Variants in ALKBH1 observed in about 807,000 individuals in gnomAD.
ALKBH1 encodes the protein nucleic acid dioxygenase ALKBH1.
ALKBH1 carries 31 observed loss-of-function variants against 36.6 expected under a neutral mutation model. That is an observed-to-expected ratio of 0.85 (90% CI 0.64 to 1.14). The LOEUF is 1.14. Among genes scored for constraint, ALKBH1 ranks in the 50% most tolerant of loss-of-function variants. The pLI, the probability that ALKBH1 is intolerant of heterozygous loss-of-function variation, is 0.00. For synonymous variants in ALKBH1, 183 were observed against 186.6 expected (o/e 0.98, Z 0.16); for missense variants, 490 against 497.3 (o/e 0.99, Z 0.14).
At position 77,675,733 on chromosome 14, in the gene ALKBH1, G is replaced by A; in HGVS notation, c.663C>T (p.Tyr221=). 6.2e-7 allele frequency: 1 copy of A among 1,614,170 alleles called. No individual in the cohort carries two copies. The highest frequency in any genetic ancestry group is 8.5e-7 in the Non-Finnish European group (1 of 1,180,034). ...TTCCCAGTGTGGAGTCCAGGCGGTA[G>A]TAATTCAGGATCCCTGCTTCAGCTC... ...DFRAEAGILN[Y]YRLDSTLGIH... Residue 221 remains tyrosine (Y), a synonymous_variant, in exon 5 of 6, where the codon TAC becomes TAT. Coordinates refer to ENST00000216489, the MANE Select transcript of ALKBH1 (RefSeq NM_006020.3).
At position 77,675,801 on chromosome 14, in the gene ALKBH1, G is replaced by A. The variant is rs1329302599; in HGVS notation, c.595C>T (p.Leu199Phe). 2 of 1,614,066 alleles carry A rather than the reference G, an allele frequency of 1.2e-6. No homozygotes were observed. Among genetic ancestry groups the A allele is most frequent in the Admixed American group, 3.3e-5 (2 of 60,016 alleles). Residue 199 changes from leucine (L) to phenylalanine (F), a missense_variant, in exon 5 of 6, where the codon CTC becomes TTC. Physicochemically the swap from Leu to Phe is conservative, Grantham distance 22. Coordinates refer to ENST00000216489, the MANE Select transcript of ALKBH1 (RefSeq NM_006020.3). ...CAGGCAGCGGCTACTTGCTCTGAGA[G>A]GAAACCCAGGTCAGAAGGGAAAGGT... The part of the protein sequence containing the change: ...YTPFPSDLGF[L>F]SEQVAAACGF...
chr14:77,688,942 A>AT (rs1377166060), intron 3 of ALKBH1, among the ~76,000 whole-genome samples: 1 of 151,904 alleles, frequency 6.6e-6, no homozygotes, highest in East Asian at 1.9e-4. Context: ...TACCAGAGTT[A>AT]TTTTTCTGAA....
intron 5 of ALKBH1, among the ~76,000 whole-genome samples, chr14:77,674,697 C>T (rs2080703): frequency 0.47 from 71,248 of 151,736 alleles, 16,958 homozygotes; most frequent in African/African-American, 0.5. Context: ...GGATTACAGG[C>T]GTGTGCCACC....
intron 3 of ALKBH1, among the ~76,000 whole-genome samples, chr14:77,682,274 A>G (rs2080242212): frequency 6.6e-6 from 1 of 152,256 alleles, no homozygotes; most frequent in South Asian, 2.1e-4. Flanking sequence ...ATGTTTATTC[A>G]GCTAAAGGTA....
rs10147353 is a variant in ALKBH1, at chr14:77,701,388, T to C, written c.292+2981A>G. Among the ~76,000 whole-genome samples, 505 of 152,300 alleles carry C rather than the reference T, an allele frequency of 3.3e-3. 3 individuals are homozygous for C. Among genetic ancestry groups the C allele is most frequent in the African/African-American group, 0.012 (478 of 41,550 alleles). On this transcript the variant is annotated intron_variant, in intron 2 of 5. Coordinates refer to ENST00000216489, the MANE Select transcript of ALKBH1 (RefSeq NM_006020.3). ...AACTTGCCCAAAGTCTTACAGTTAG[T>C]AGATGGCAGAGCCAGGATATGAACC...
intron 1 of ALKBH1, 56 bp from the exon 2 acceptor site, chr14:77,704,533 G>A (rs117930450): frequency 0.016 from 21,810 of 1,401,644 alleles, 234 homozygotes; most frequent in Non-Finnish European, 0.018. Context: ...GGTCAACCCC[G>A]GGAACCTCAA....
Position 77,675,706 on chromosome 14 carries a change from GATTCCC to G in ALKBH1, c.684_689del (p.Gly229_Ile230del). On this transcript the variant is annotated inframe_deletion, in exon 5 of 6. Transcript: ENST00000216489. The stretch of plus-strand genomic sequence containing the variant: ...GATCTAGCTCAGATCTGTCTACGTG[GATTCCC>G]AGTGTGGAGTCCAGGCGGTAGTAAT... 1 of 1,614,168 alleles carries G rather than the reference GATTCCC, an allele frequency of 6.2e-7. No homozygotes were observed. The highest frequency in any genetic ancestry group is 8.5e-7 in the Non-Finnish European group (1 of 1,180,032).
chr14:77,707,800 C>G lies in ALKBH1; in HGVS notation c.183+22G>C, dbSNP rs781143174. The G allele has an allele frequency of 4.5e-6, 7 of 1,567,324 alleles. No individual in the cohort carries two copies. The African/African-American group carries it at 8.2e-5, about 18-fold the overall frequency. ...CGCGGGGCAAAGCGATGGAGAGACG[C>G]GCGCCACTCCTCTCTCTGTACCTTT... On this transcript the variant is annotated intron_variant, in intron 1 of 5. Coordinates refer to ENST00000216489, the MANE Select transcript of ALKBH1 (RefSeq NM_006020.3).
intron 4 of ALKBH1, among the ~76,000 whole-genome samples, chr14:77,677,715 T>A (rs2080213511): frequency 6.6e-6 from 1 of 152,202 alleles, no homozygotes; most frequent in Admixed American, 6.5e-5. Flanking sequence ...CTGTTTTTCA[T>A]TTTTTCTCCT....
chr14:77,694,422 G>A (rs1566815921), intron 3 of ALKBH1, among the ~76,000 whole-genome samples: 1 of 152,046 alleles, frequency 6.6e-6, no homozygotes, highest in Non-Finnish European at 1.5e-5. Context: ...GCCTTCAAAG[G>A]AACTCACTTT....
At chr14:77,675,150 CG>C (rs2080197866) in intron 5 of ALKBH1, among the ~76,000 whole-genome samples, 1 of 151,930 alleles carries the variant, frequency 6.6e-6, no homozygotes, top group Non-Finnish European at 1.5e-5. Flanking sequence ...AGGTAGGTTA[CG>C]GCCAGGTGCA....
chr14:77,690,613 G>A (rs1420856641), intron 3 of ALKBH1, among the ~76,000 whole-genome samples: 1 of 152,166 alleles, frequency 6.6e-6, no homozygotes, highest in Non-Finnish European at 1.5e-5. Context: ...AATTTATTCT[G>A]GCTTTGAAGT....
chr14:77,703,417 G>A (rs1477264404), intron 2 of ALKBH1, among the ~76,000 whole-genome samples: 1 of 151,008 alleles, frequency 6.6e-6, no homozygotes, highest in Admixed American at 6.6e-5. Context: ...TCAGCCTGCC[G>A]AGTAGCTGGG....
intron 1 of ALKBH1, among the ~76,000 whole-genome samples, chr14:77,705,656 T>G (rs370627466): frequency 1.3e-5 from 2 of 152,198 alleles, no homozygotes; most frequent in African/African-American, 4.8e-5. Context: ...GGATGGCTCA[T>G]TACATTGGTT....
intron 3 of ALKBH1, among the ~76,000 whole-genome samples, chr14:77,689,201 T>A (rs2080284852): frequency 6.6e-6 from 1 of 152,234 alleles, no homozygotes; most frequent in South Asian, 2.1e-4. Context: ...TGTTTTTTCA[T>A]ACAGTTTACA....
chr14:77,698,028 TTAGAGA>T (rs1212388876), intron 2 of ALKBH1, among the ~76,000 whole-genome samples: 3 of 151,688 alleles, frequency 2.0e-5, no homozygotes, highest in Non-Finnish European at 4.4e-5. Context: ...AAAAAAAGAA[TTAGAGA>T]TAAAGTGATA....
chr14:77,673,931 G>A lies in ALKBH1; in HGVS notation c.1051C>T (p.Gln351Ter), dbSNP rs911771589. 1.2e-6 allele frequency: 2 copies of A among 1,614,152 alleles called. No homozygotes were observed. The highest frequency in any genetic ancestry group is 2.2e-5 in the East Asian group (1 of 44,886). ...MTVRQVLATD[Q>*]NFPLEPIEDE... ...TCGATGGGTTCTAGAGGGAAATTCT[G>A]GTCTGTGGCCAGGACCTGTCGGACA... Residue 351 changes from glutamine to a stop codon, truncating the protein, a stop_gained, in exon 6 of 6, where the codon CAG (glutamine) becomes TAG (stop). Coordinates refer to ENST00000216489, the MANE Select transcript of ALKBH1 (RefSeq NM_006020.3). LOFTEE classifies it low-confidence loss of function (END_TRUNC).
At chr14:77,695,721 GTGTT>G (rs1253791106) in intron 2 of ALKBH1, among the ~76,000 whole-genome samples, 5 of 152,188 alleles carry the variant, frequency 3.3e-5, no homozygotes, top group African/African-American at 4.8e-5. Flanking sequence ...TATTATCTCA[GTGTT>G]TGTAAACAAT....
intron 4 of ALKBH1, among the ~76,000 whole-genome samples, chr14:77,678,490 G>C (rs2080218161): frequency 6.6e-6 from 1 of 151,396 alleles, no homozygotes; most frequent in African/African-American, 2.4e-5. Context: ...GGGAGGTCGA[G>C]GCTATAGTGA....
Sources: allele counts gnomAD v4.1 joint callset (sites outside exome capture counted in the v4.1 genomes callset), GRCh38; gene constraint gnomAD v4.1.1; transcripts MANE v1.5; gene names NCBI Gene and HGNC (gene_info 2026-07-23, HGNC 2026-07-21).